LRRTM4: variants seen among roughly 807,000 people sequenced by gnomAD.
LRRTM4 encodes leucine-rich repeat transmembrane neuronal protein 4.
Under a neutral mutation model 47.6 loss-of-function variants are expected in LRRTM4, and 25 were observed. The ratio of observed to expected loss-of-function variants is 0.53; its 90% confidence interval spans 0.38 to 0.73. The LOEUF (loss-of-function observed/expected upper bound fraction) is 0.73, where lower values mean the gene tolerates loss of function less well. LRRTM4 is among the 30% of genes least tolerant of loss of function. The probability of loss-of-function intolerance (pLI) is 0.00; values close to 1 mark genes in which losing one functional copy is unlikely to be tolerated. For missense variants in LRRTM4, 638 were observed against 713.4 expected, an observed-to-expected ratio of 0.89 and a Z score of 1.20; for synonymous variants, 311 against 269.5, an observed-to-expected ratio of 1.15 and a Z score of -1.51.
chr2:76,948,273 T>G lies in LRRTM4; in HGVS notation c.1552-199357A>C, dbSNP rs148635298. Among the ~76,000 whole-genome samples, 221 of 151,956 alleles carry G rather than the reference T, an allele frequency of 1.5e-3. 2 individuals are homozygous for G. The highest frequency in any genetic ancestry group is 2.5e-3 in the South Asian group (12 of 4,826). ...TGACAAATTTACCTTGATGCCACAA[T>G]TTTGTCCCCATAAATCCTGTTCAAT... On this transcript the variant is annotated intron_variant, in intron 3 of 3. Coordinates refer to ENST00000409884, the MANE Select transcript of LRRTM4 (RefSeq NM_001134745.3).
rs548543338 is a variant in LRRTM4, at chr2:77,451,382, G to A, written c.1551+66936C>T. Among the ~76,000 whole-genome samples, 15 of 152,276 alleles carry A rather than the reference G, an allele frequency of 9.9e-5. No individual in the cohort carries two copies. In the South Asian group the frequency reaches 2.5e-3, roughly 25 times the overall value. On this transcript the variant is annotated intron_variant, in intron 3 of 3. Transcript: ENST00000409884. Reference sequence around the variant, plus strand: ...TGATTGATTTTTAGATGCAATCTGAGCATCAGTGCTGTTCTTTCTGATGAG... The same window carrying A: ...TGATTGATTTTTAGATGCAATCTGAACATCAGTGCTGTTCTTTCTGATGAG...
chr2:77,258,145 A>C (rs528455740), intron 3 of LRRTM4, among the ~76,000 whole-genome samples: 1 of 152,062 alleles, frequency 6.6e-6, no homozygotes, highest in South Asian at 2.1e-4. Flanking sequence ...CTACGAAGAA[A>C]CACCACCACA....
At chr2:77,143,727 A>T (rs1206067371) in intron 3 of LRRTM4, among the ~76,000 whole-genome samples, 1 of 152,214 alleles carries the variant, frequency 6.6e-6, no homozygotes, top group Non-Finnish European at 1.5e-5. Flanking sequence ...CTCATTATTC[A>T]TAATATGCAA....
chr2:76,970,901 C>T (rs1172696769), intron 3 of LRRTM4, among the ~76,000 whole-genome samples: 2 of 151,926 alleles, frequency 1.3e-5, no homozygotes, highest in Non-Finnish European at 2.9e-5. Context: ...TGTGGAGTTA[C>T]AATTGAAATA....
chr2:77,380,792 T>C (rs1444545664), intron 3 of LRRTM4, among the ~76,000 whole-genome samples: 1 of 150,178 alleles, frequency 6.7e-6, no homozygotes, highest in Admixed American at 6.7e-5. Context: ...TGAGACTCCA[T>C]CTCGAAAAAA....
chr2:77,452,983 T>G (rs938587503), intron 3 of LRRTM4, among the ~76,000 whole-genome samples: 1 of 152,082 alleles, frequency 6.6e-6, no homozygotes, highest in Admixed American at 6.6e-5. Context: ...TATAAACTTA[T>G]ATAAAAATAC....
chr2:77,181,382 C>A (rs956517366), intron 3 of LRRTM4, among the ~76,000 whole-genome samples: 1 of 152,130 alleles, frequency 6.6e-6, no homozygotes, highest in African/African-American at 2.4e-5. Flanking sequence ...GTACCAGAAG[C>A]TACACAGAGC....
chr2:77,150,163 A>T (rs1215209489), intron 3 of LRRTM4, among the ~76,000 whole-genome samples: 1 of 151,780 alleles, frequency 6.6e-6, no homozygotes, highest in Non-Finnish European at 1.5e-5. Flanking sequence ...TGAAAAAAAA[A>T]TCATAATAGG....
intron 3 of LRRTM4, among the ~76,000 whole-genome samples, chr2:76,811,056 C>T (rs1215218985): frequency 3.3e-5 from 5 of 152,082 alleles, no homozygotes. Flanking sequence ...AATGAAAAGT[C>T]CTTATTCTAA....
At chr2:77,411,731 A>C (rs1431979707) in intron 3 of LRRTM4, among the ~76,000 whole-genome samples, 3 of 148,366 alleles carry the variant, frequency 2.0e-5, no homozygotes, top group Admixed American at 6.7e-5. Flanking sequence ...CAGCCTCCCA[A>C]AGTGCTGGGA....
chr2:76,837,636 C>T (rs1462425949), intron 3 of LRRTM4, among the ~76,000 whole-genome samples: 28 of 152,072 alleles, frequency 1.8e-4, no homozygotes, highest in South Asian at 6.2e-4. Context: ...CACATGCACA[C>T]GCATGTTTAT....
At chr2:76,941,874 T>C (rs1231259495) in intron 3 of LRRTM4, among the ~76,000 whole-genome samples, 5 of 152,216 alleles carry the variant, frequency 3.3e-5, no homozygotes, top group Non-Finnish European at 5.9e-5. Flanking sequence ...TCTAGATCCT[T>C]GAGGAATCAC....
At chr2:77,112,339 C>T (rs1671274042) in intron 3 of LRRTM4, among the ~76,000 whole-genome samples, 1 of 152,070 alleles carries the variant, frequency 6.6e-6, no homozygotes, top group Non-Finnish European at 1.5e-5. Flanking sequence ...GAATTTAAGC[C>T]ACCAGTTTCT....
In LRRTM4 at chr2:77,285,357, T is replaced by TATATATATATATATATATATAC. The variant is rs1225916450; in HGVS notation, c.1551+232960_1551+232961insGTATATATATATATATATATAT. On this transcript the variant is annotated intron_variant, in intron 3 of 3. Transcript: ENST00000409884. ...CATTAAATTTATATATATATATATA[T>TATATATATATATATATATATAC]ATATATGGCCAATAGAAATGCTAAA... Among the ~76,000 whole-genome samples the TATATATATATATATATATATAC allele has an allele frequency of 7.7e-5, 11 of 143,114 alleles. 1 individual carries two copies. Among genetic ancestry groups the TATATATATATATATATATATAC allele is most frequent in the Non-Finnish European group, 1.2e-4 (8 of 65,514 alleles). The allele number at this position is 143,114 out of a possible 152,430, so 93.9% of individuals were successfully genotyped here.
rs576849482 is a variant in LRRTM4 at position 77,163,203 on chromosome 2, C to T, written c.1551+355115G>A. Among the ~76,000 whole-genome samples the T allele has an allele frequency of 1.1e-4, 17 of 151,820 alleles. 1 individual carries two copies. The South Asian group carries it at 2.5e-3, about 22-fold the overall frequency. On this transcript the variant is annotated intron_variant, in intron 3 of 3. Coordinates refer to ENST00000409884, the MANE Select transcript of LRRTM4 (RefSeq NM_001134745.3). Reference sequence around the variant, plus strand: ...CATGCACAAGCTTCGGTAGCCTATTCGATCAAGTGGAAGAAAAGGAATCAG... The same window carrying T: ...CATGCACAAGCTTCGGTAGCCTATTTGATCAAGTGGAAGAAAAGGAATCAG...
intron 3 of LRRTM4, among the ~76,000 whole-genome samples, chr2:76,877,922 AG>A (rs1255963137): frequency 6.6e-6 from 1 of 151,464 alleles, no homozygotes; most frequent in Middle Eastern, 3.2e-3. Context: ...GAAGGAAAAA[AG>A]GTCACAGATG....
At chr2:76,942,705 T>TGTG (rs1558753144) in intron 3 of LRRTM4, among the ~76,000 whole-genome samples, 1 of 151,650 alleles carries the variant, frequency 6.6e-6, no homozygotes, top group African/African-American at 2.4e-5. Context: ...TGTGTGTGTG[T>TGTG]TTAAATCTGT....
chr2:77,179,395 T>A (rs890633352), intron 3 of LRRTM4, among the ~76,000 whole-genome samples: 1 of 152,182 alleles, frequency 6.6e-6, no homozygotes, highest in African/African-American at 2.4e-5. Flanking sequence ...ATGTCCTGAG[T>A]CAGAGGTTCT....
At chr2:77,297,622 G>A (rs1423360464) in intron 3 of LRRTM4, among the ~76,000 whole-genome samples, 2 of 152,146 alleles carry the variant, frequency 1.3e-5, no homozygotes, top group Admixed American at 1.3e-4. Flanking sequence ...TTTACACCAT[G>A]GGGTTCTTCT....
Sources: allele counts gnomAD v4.1 joint callset (sites outside exome capture counted in the v4.1 genomes callset), GRCh38; gene constraint gnomAD v4.1.1; transcripts MANE v1.5; gene names NCBI Gene and HGNC (gene_info 2026-07-23, HGNC 2026-07-21).